The following RBM20 variants were observed in gnomAD, a reference collection of about 807,000 sequenced individuals.
RBM20 encodes the protein RNA binding motif protein 20.
A neutral mutation model predicts 110.1 loss-of-function variants in RBM20; 51 were observed. The ratio of observed to expected loss-of-function variants is 0.46; its 90% CI spans 0.37 to 0.59. The LOEUF is 0.59. Among genes scored for constraint, RBM20 ranks in the 20% least tolerant of loss-of-function variants. The pLI is 0.00. For missense variants in RBM20, 1,512 were observed against 1,574.9 expected, an observed-to-expected ratio of 0.96 and a Z score of 0.68; for synonymous variants, 589 against 618.2, an observed-to-expected ratio of 0.95 and a Z score of 0.70.
intron 7 of RBM20, 128 bp downstream of exon 7, chr10:110,800,046 C>T: frequency 2.3e-6 from 2 of 888,264 alleles, no homozygotes; most frequent in Middle Eastern, 2.2e-4. Context: ...TACACACTGC[C>T]TTTGAGGATC....
chr10:110,822,550 G>A (rs554704132), intron 11 of RBM20: 6 of 450,136 alleles, frequency 1.3e-5, no homozygotes, highest in Non-Finnish European at 2.2e-5. Context: ...GCTAAGCCCC[G>A]TCTTCTCTGC....
Position 110,812,467 on chromosome 10 carries a change from G to A in RBM20, c.2070G>A (p.Pro690=), listed in dbSNP as rs890520365. 24 of 1,551,532 alleles carry A rather than the reference G, an allele frequency of 1.5e-5. No individual in the cohort carries two copies. Among genetic ancestry groups the A allele is most frequent in the African/African-American group, 2.7e-5 (2 of 73,018 alleles). Residue 690 remains proline (P), a synonymous_variant, in exon 9 of 14, where the codon CCG becomes CCA. Coordinates refer to ENST00000369519, the MANE Select transcript of RBM20 (RefSeq NM_001134363.3). ...CCAGGAGGGAGGAAGAGCGAGACCC[G>A]GCTCCCTGGAGGGACAACGGAGATG... ...PYARREEERD[P]APWRDNGDDK... is the part of the protein sequence containing the mutation.
intron 1 of RBM20, among the ~76,000 whole-genome samples, chr10:110,682,741 A>AT (rs1215487922): frequency 2.0e-5 from 3 of 152,172 alleles, no homozygotes; most frequent in Admixed American, 6.5e-5. Context: ...AAAAGCTGCT[A>AT]TTTTTTCTTT....
intron 1 of RBM20, among the ~76,000 whole-genome samples, chr10:110,767,090 C>T (rs1430405982): frequency 1.1e-4 from 14 of 129,100 alleles, no homozygotes; most frequent in African/African-American, 3.8e-4. Context: ...GTGACCCCCC[C>T]ACCTCCCTCC....
At chr10:110,820,024 G>A in intron 9 of RBM20, 48 bp from the exon 10 acceptor site, 1 of 1,231,560 alleles carries the variant, frequency 8.1e-7, no homozygotes, top group Non-Finnish European at 1.1e-6. Context: ...TCTTCTCCCT[G>A]TCACTGCTCA....
In RBM20 at chr10:110,781,106, C is replaced by A; in HGVS notation, c.497C>A (p.Ser166Tyr). The A allele has an allele frequency of 6.4e-7, 1 of 1,551,984 alleles. No individual in the cohort carries two copies. The highest frequency in any genetic ancestry group is 8.7e-7 in the Non-Finnish European group (1 of 1,147,062). ...AAAIPSTRFP[S>Y]NAIAFSPPSQ... ...GCCATACCCAGTACCCGGTTTCCCT[C>A]TAATGCAATTGCCTTTTCACCCCCC... The change falls in exon 2 of 14, where the codon TCT becomes TAT. Residue 166 changes from serine (S) to tyrosine (Y), a missense_variant. This residue lies in a region of RBM20 where 1,149 missense variants were observed against 1,169.4 expected (regional missense o/e 0.98). Coordinates refer to ENST00000369519, the MANE Select transcript of RBM20 (RefSeq NM_001134363.3).
chr10:110,779,656 C>T (rs375506261), intron 1 of RBM20, among the ~76,000 whole-genome samples: 21 of 152,164 alleles, frequency 1.4e-4, no homozygotes, highest in African/African-American at 4.6e-4. Flanking sequence ...TGGGATCTGA[C>T]GCTTTCCCCA....
chr10:110,802,383 C>CTTTT (rs200758964), intron 7 of RBM20, among the ~76,000 whole-genome samples: 13 of 135,216 alleles, frequency 9.6e-5, no homozygotes, highest in Middle Eastern at 3.8e-3. Context: ...CAGAACCTGG[C>CTTTT]TTTTTTTTTT....
chr10:110,754,430 T>C (rs1373396681), intron 1 of RBM20, among the ~76,000 whole-genome samples: 1 of 152,158 alleles, frequency 6.6e-6, no homozygotes. Flanking sequence ...TATTACCTCA[T>C]TCCCATCCCC....
intron 1 of RBM20, among the ~76,000 whole-genome samples, chr10:110,723,774 G>C (rs10787272): frequency 0.7 from 107,167 of 152,120 alleles, 38,278 homozygotes; most frequent in East Asian, 1. Flanking sequence ...TTGGGTTATG[G>C]GTCTTTATTG....
intron 10 of RBM20, among the ~76,000 whole-genome samples, chr10:110,821,033 G>C (rs929516158): frequency 1.3e-5 from 2 of 152,228 alleles, no homozygotes; most frequent in African/African-American, 4.8e-5. Flanking sequence ...ACTGGGGCTT[G>C]AAATTCTTTG....
intron 1 of RBM20, among the ~76,000 whole-genome samples, chr10:110,746,063 C>T (rs1843776153): frequency 6.6e-6 from 1 of 152,150 alleles, no homozygotes; most frequent in Non-Finnish European, 1.5e-5. Context: ...CCTGGGCTCG[C>T]TCATCACCAC....
chr10:110,790,983 A>G (rs1314616490), intron 5 of RBM20, among the ~76,000 whole-genome samples: 1 of 152,236 alleles, frequency 6.6e-6, no homozygotes, highest in Non-Finnish European at 1.5e-5. Flanking sequence ...TGAAGCTGCT[A>G]AACAGGTGAA....
chr10:110,794,864 T>C (rs1844530102), intron 5 of RBM20, among the ~76,000 whole-genome samples: 1 of 152,250 alleles, frequency 6.6e-6, no homozygotes. Flanking sequence ...AGGTTGTTTT[T>C]TCTACTACCC....
At chr10:110,738,778 G>T (rs776252944) in intron 1 of RBM20, among the ~76,000 whole-genome samples, 17 of 152,260 alleles carry the variant, frequency 1.1e-4, no homozygotes, top group Middle Eastern at 3.4e-3. Context: ...GAGTGCCAAG[G>T]TGCCAGAGCA....
chr10:110,691,690 TG>T (rs1322178633), intron 1 of RBM20, among the ~76,000 whole-genome samples: 1 of 152,232 alleles, frequency 6.6e-6, no homozygotes, highest in East Asian at 1.9e-4. Context: ...ATCAAGCATA[TG>T]ATTTGCATAT....
rs559523297 is a variant in RBM20 at position 110,766,159 on chromosome 10, A to G, written c.192-14642A>G. On this transcript the variant is annotated intron_variant, in intron 1 of 13. Transcript: ENST00000369519. ...TTAACCATTCTTTCTGGCCTCAGCCAAGGCAGTTTTCAATCTGCTTGGATC... is the reference window on the plus strand; with the variant it reads ...TTAACCATTCTTTCTGGCCTCAGCCGAGGCAGTTTTCAATCTGCTTGGATC... Among the ~76,000 whole-genome samples, 46 of 152,230 alleles carry G rather than the reference A, an allele frequency of 3.0e-4. 1 individual carries two copies. The highest frequency in any genetic ancestry group is 6.2e-4 in the Non-Finnish European group (42 of 68,050).
At chr10:110,825,219 TC>T (rs1428372525) in intron 12 of RBM20, among the ~76,000 whole-genome samples, 1 of 152,186 alleles carries the variant, frequency 6.6e-6, no homozygotes, top group African/African-American at 2.4e-5. Flanking sequence ...CTTCATGCAT[TC>T]AGTCAGTCAG....
chr10:110,820,210 T>G (rs1237655925), intron 10 of RBM20, 34 bp downstream of exon 10: 1 of 1,427,536 alleles, frequency 7.0e-7, no homozygotes, highest in Admixed American at 2.0e-5. Flanking sequence ...ACTTCTGCCA[T>G]GAGGGACTGA....
Sources: gnomAD v4.1 joint callset for allele counts (sites outside exome capture counted in the v4.1 genomes callset) on GRCh38, gnomAD v4.1.1 for gene constraint, gnomAD v4.1.1 regional missense constraint, MANE v1.5 for transcripts, NCBI Gene and HGNC (gene_info 2026-07-23, HGNC 2026-07-21) for gene names.